NAV2: variants seen among roughly 807,000 people sequenced by gnomAD.
NAV2 encodes the protein neuron navigator 2.
Under a neutral mutation model 223.2 loss-of-function variants are expected in NAV2, and 54 were observed. That is an observed-to-expected ratio of 0.24 (90% CI 0.19 to 0.30). The LOEUF (loss-of-function observed/expected upper bound fraction) is 0.30, where lower values mean the gene tolerates loss of function less well. NAV2 is among the 10% of genes least tolerant of loss of function. The probability of loss-of-function intolerance (pLI) is 1.00; values close to 1 mark genes in which losing one functional copy is unlikely to be tolerated. For synonymous variants in NAV2, 1,279 were observed against 1,239.3 expected (o/e 1.03, Z -0.67); for missense variants, 2,806 against 3,147.5 (o/e 0.89, Z 2.60).
intron 17 of NAV2, among the ~76,000 whole-genome samples, chr11:20,053,875 G>A (rs150130394): frequency 1.5e-4 from 23 of 152,142 alleles, no homozygotes; most frequent in African/African-American, 5.5e-4. Context: ...AAACTGAAAG[G>A]GAGTAGTCAT....
intron 1 of NAV2, among the ~76,000 whole-genome samples, chr11:19,589,604 G>A (rs1017606699): frequency 2.0e-5 from 3 of 152,220 alleles, no homozygotes; most frequent in African/African-American, 7.2e-5. Context: ...AGCATGTGTA[G>A]GTGAGCCTGG....
chr11:19,385,062 A>G (rs1406408025), intron 1 of NAV2: 1 of 152,188 alleles, frequency 6.6e-6, no homozygotes, highest in Non-Finnish European at 1.5e-5. Context: ...GAGAATGACT[A>G]TTAAACACAC....
intron 1 of NAV2, among the ~76,000 whole-genome samples, chr11:19,351,233 A>C (rs1351134340): frequency 2.0e-5 from 3 of 152,196 alleles, no homozygotes; most frequent in South Asian, 4.1e-4. Flanking sequence ...AAAGGGAAAA[A>C]AAATTCAGTC....
intron 1 of NAV2, among the ~76,000 whole-genome samples, chr11:19,556,981 GT>G (rs1792931837): frequency 6.6e-6 from 1 of 152,164 alleles, no homozygotes; most frequent in Non-Finnish European, 1.5e-5. Context: ...CTGTATCAGA[GT>G]TTTTTACTTC....
intron 1 of NAV2, among the ~76,000 whole-genome samples, chr11:19,598,242 A>T (rs1167802645): frequency 1.3e-5 from 2 of 152,204 alleles, no homozygotes; most frequent in Non-Finnish European, 2.9e-5. Context: ...CCTTTCTAGC[A>T]TGCCAAAGAG....
chr11:19,946,584 C>A (rs2046956678), intron 9 of NAV2, 75 bp downstream of exon 9: 1 of 1,282,276 alleles, frequency 7.8e-7, no homozygotes, highest in Non-Finnish European at 1.1e-6. Flanking sequence ...ATAGCAGTAG[C>A]AAAGCGATTT....
chr11:19,919,971 C>T (rs940844529), intron 6 of NAV2, among the ~76,000 whole-genome samples: 1 of 152,032 alleles, frequency 6.6e-6, no homozygotes, highest in Non-Finnish European at 1.5e-5. Flanking sequence ...CCCATCTCTA[C>T]AAAAAATAAA....
intron 11 of NAV2, among the ~76,000 whole-genome samples, chr11:20,012,355 A>T (rs2053625768): frequency 6.6e-6 from 1 of 152,230 alleles, no homozygotes; most frequent in Non-Finnish European, 1.5e-5. Flanking sequence ...CACCAACCTA[A>T]TACCATGATG....
intron 7 of NAV2, among the ~76,000 whole-genome samples, chr11:19,935,860 T>TGTTG (rs1555156799): frequency 1.8e-5 from 2 of 108,406 alleles, no homozygotes; most frequent in African/African-American, 3.4e-5. Flanking sequence ...TGTTTTTTTT[T>TGTTG]TTTTTTTTTT....
chr11:19,555,011 G>GC (rs1473786040), intron 1 of NAV2, among the ~76,000 whole-genome samples: 1 of 19,178 alleles, frequency 5.2e-5, no homozygotes, highest in African/African-American at 1.9e-4. Flanking sequence ...ACCATGTTTT[G>GC]CAAAAAAAAA....
intron 11 of NAV2, among the ~76,000 whole-genome samples, chr11:19,991,388 G>T (rs1262822741): frequency 6.6e-6 from 1 of 152,076 alleles, no homozygotes; most frequent in Non-Finnish European, 1.5e-5. Context: ...GCCTCCCAAA[G>T]TGCTGGTATT....
chr11:19,489,953 T>C (rs992052978), intron 1 of NAV2, among the ~76,000 whole-genome samples: 3 of 152,204 alleles, frequency 2.0e-5, no homozygotes, highest in East Asian at 1.9e-4. Context: ...ATTGGAGATA[T>C]CGCGGGTTCA....
At chr11:19,979,880 C>T (rs73432285) in intron 10 of NAV2, among the ~76,000 whole-genome samples, 7,055 of 152,242 alleles carry the variant, frequency 0.046, 529 homozygotes, top group African/African-American at 0.16. Context: ...CACCTGCCTG[C>T]GCTGGGATCT....
intron 36 of NAV2, among the ~76,000 whole-genome samples, chr11:20,112,770 C>T (rs925177565): frequency 6.6e-6 from 1 of 152,182 alleles, no homozygotes; most frequent in African/African-American, 2.4e-5. Flanking sequence ...CCTTTCTCAG[C>T]GGGCTCTGCT....
chr11:19,403,895 C>T (rs1262424738), intron 1 of NAV2, among the ~76,000 whole-genome samples: 1 of 147,234 alleles, frequency 6.8e-6, no homozygotes, highest in African/African-American at 2.5e-5. Flanking sequence ...TGACATTTGG[C>T]AGAGCCCAAG....
chr11:19,780,858 G>C (rs2056680009), intron 1 of NAV2, among the ~76,000 whole-genome samples: 1 of 152,148 alleles, frequency 6.6e-6, no homozygotes, highest in South Asian at 2.1e-4. Flanking sequence ...CAAGTTCTTG[G>C]GGGGAAGTTA....
At chr11:19,612,911 T>C (rs2046684163) in intron 1 of NAV2, among the ~76,000 whole-genome samples, 1 of 152,324 alleles carries the variant, frequency 6.6e-6, no homozygotes, top group East Asian at 1.9e-4. Flanking sequence ...ACATTGCTGA[T>C]AAAGACATAC....
rs146995881 is a variant in NAV2 at position 20,047,778 on chromosome 11, G to C, written c.3903-950G>C. Among the ~76,000 whole-genome samples the C allele has an allele frequency of 4.0e-4, 61 of 152,278 alleles. 2 individuals carry two copies. Among genetic ancestry groups the C allele is most frequent in the Admixed American group, 3.6e-3 (55 of 15,296 alleles). On this transcript the variant is annotated intron_variant, in intron 14 of 37. Transcript: ENST00000349880. Reference sequence around the variant, plus strand: ...GTCTAGAGAGGGCAGAGATCAAACTGTCACGACTTTGAGCACCCAAGGCCA... The same window carrying C: ...GTCTAGAGAGGGCAGAGATCAAACTCTCACGACTTTGAGCACCCAAGGCCA...
intron 1 of NAV2, among the ~76,000 whole-genome samples, chr11:19,396,743 G>T (rs1410924102): frequency 6.6e-6 from 1 of 152,124 alleles, no homozygotes; most frequent in Non-Finnish European, 1.5e-5. Context: ...ATTTGGAGTG[G>T]GATCCAGATA....
Sources: gnomAD v4.1 joint callset for allele counts (sites outside exome capture counted in the v4.1 genomes callset) on GRCh38, gnomAD v4.1.1 for gene constraint, MANE v1.5 for transcripts, NCBI Gene and HGNC (gene_info 2026-07-23, HGNC 2026-07-21) for gene names.